SPTBN5: variants seen among roughly 807,000 people sequenced by gnomAD.
The protein encoded by SPTBN5 is spectrin beta chain, non-erythrocytic 5.
In SPTBN5, 513 loss-of-function variants were observed where a neutral mutation model predicts 477.6. The observed-to-expected ratio is 1.07, with a 90% CI of 1.00 to 1.16. SPTBN5 has a LOEUF of 1.16. Among genes scored for constraint, SPTBN5 ranks in the 50% most tolerant of loss-of-function variants. The pLI is 0.00. For synonymous variants in SPTBN5, 2,169 were observed against 2,011.7 expected, an observed-to-expected ratio of 1.08 and a Z score of -2.09; for missense variants, 5,062 against 4,731.8, an observed-to-expected ratio of 1.07 and a Z score of -2.05.
chr15:41,885,967 G>A lies in SPTBN5; in HGVS notation c.1288C>T (p.Arg430Cys), dbSNP rs200519274. 2.5e-4 allele frequency: 385 copies of A among 1,549,314 alleles called. No individual in the cohort carries two copies. Among genetic ancestry groups the A allele is most frequent in the Non-Finnish European group, 2.7e-4 (314 of 1,148,046 alleles). ...CGGAGGGCTGCCTTGTGCTGGAAGCGCCGGGCCAGGGTTTCTAGCCGCTGC... is the reference window on the plus strand; with the variant it reads ...CGGAGGGCTGCCTTGTGCTGGAAGCACCGGGCCAGGGTTTCTAGCCGCTGC... Reference protein sequence around the residue: ...QLQRLETLARRFQHKAALRES... With the variant: ...QLQRLETLARCFQHKAALRES... Residue 430 changes from arginine to cysteine, a missense_variant, in exon 7 of 68, where the codon CGC (arginine) becomes TGC (cysteine). Physicochemically the swap from Arg to Cys is radical, Grantham distance 180. Coordinates refer to ENST00000320955, the MANE Select transcript of SPTBN5 (RefSeq NM_016642.4).
chr15:41,879,432 T>G lies in SPTBN5; in HGVS notation c.3010A>C (p.Ser1004Arg). The change falls in exon 16 of 68, where the codon AGT becomes CGT. Residue 1004 changes from serine (S) to arginine (R), a missense_variant. Coordinates refer to ENST00000320955, the MANE Select transcript of SPTBN5 (RefSeq NM_016642.4). Reference sequence around the variant, plus strand: ...GTGGGTCCACACTCCTGCAGAAAACTGCACACTTCCACACTGTGTGCCAGC... The same window carrying G: ...GTGGGTCCACACTCCTGCAGAAAACGGCACACTTCCACACTGTGTGCCAGC... ...VQLAHSVEVC[S>R]FLQECGPTQV... 2 of 1,609,218 alleles carry G rather than the reference T, an allele frequency of 1.2e-6. No homozygotes were observed. The highest frequency in any genetic ancestry group is 1.7e-6 in the Non-Finnish European group (2 of 1,179,010).
chr15:41,866,646 G>T, intron 36 of SPTBN5, 153 bp from the exon 37 acceptor site: 1 of 984,086 alleles, frequency 1.0e-6, no homozygotes, highest in Non-Finnish European at 1.4e-6. Flanking sequence ...GCTCCGGAAG[G>T]TTGCTGCAGG....
Position 41,885,932 on chromosome 15 carries a change from G to A in SPTBN5, c.1323C>T (p.Phe441=), listed in dbSNP as rs2067132663. 1.9e-6 allele frequency: 3 copies of A among 1,576,250 alleles called. No homozygotes were observed. Among genetic ancestry groups the A allele is most frequent in the Non-Finnish European group, 2.6e-6 (3 of 1,161,002 alleles). Residue 441 remains phenylalanine (F), a synonymous_variant, in exon 7 of 68, where the codon TTC becomes TTT. Transcript: ENST00000320955. ...FQHKAALRES[F]LKDAEQVLDQ... Reference sequence around the variant, plus strand: ...CTAGCACCTGCTCTGCATCCTTAAGGAAACTCTCCCGGAGGGCTGCCTTGT... The same window carrying A: ...CTAGCACCTGCTCTGCATCCTTAAGAAAACTCTCCCGGAGGGCTGCCTTGT...
intron 6 of SPTBN5, 144 bp from the exon 7 acceptor site, chr15:41,886,510 A>G (rs2067157068): frequency 1.0e-6 from 1 of 965,942 alleles, no homozygotes; most frequent in Non-Finnish European, 1.5e-6. Context: ...CCCCCACCCC[A>G]GAGAACTGGG....
Position 41,859,105 on chromosome 15 carries a change from C to A in SPTBN5, c.7989-125G>T, listed in dbSNP as rs148614562. On this transcript the variant is annotated intron_variant, in intron 47 of 67. Transcript: ENST00000320955. ...TGGAGTTTCCTTTGGAATAAAGGTACATTGCACTCCCCCTCTGTATTTGTG... is the reference window on the plus strand; with the variant it reads ...TGGAGTTTCCTTTGGAATAAAGGTAAATTGCACTCCCCCTCTGTATTTGTG... 1,008 of 658,884 alleles carry A rather than the reference C, an allele frequency of 1.5e-3. 21 individuals are homozygous for A. In the Admixed American group the frequency reaches 0.029, roughly 19 times the overall value. 40.8% of individuals were successfully genotyped at this position (658,884 alleles called of 1,614,324 possible).
At position 41,883,475 on chromosome 15, in the gene SPTBN5, A is replaced by G. The variant is rs1293210325; in HGVS notation, c.1532T>C (p.Val511Ala). 6.2e-7 allele frequency: 1 copy of G among 1,613,792 alleles called. No individual in the cohort carries two copies. The highest frequency in any genetic ancestry group is 1.1e-5 in the South Asian group (1 of 91,072). ...AAGGAGCCTCTGCCAGCGCACGGTA[A>G]CTTCCTCCTGCCTAGAGGATATGAG... ...WADVARRQEE[V>A]TVRWQRLLQH... Residue 511 changes from valine to alanine, a missense_variant, in exon 8 of 68, where the codon GTT (valine) becomes GCT (alanine). Val to Ala is a moderately conservative substitution (Grantham distance 64). Coordinates refer to ENST00000320955, the MANE Select transcript of SPTBN5 (RefSeq NM_016642.4).
intron 38 of SPTBN5, 62 bp downstream of exon 38, chr15:41,865,976 C>A: frequency 6.5e-7 from 1 of 1,546,122 alleles, no homozygotes; most frequent in Non-Finnish European, 8.7e-7. Flanking sequence ...TGCTGGGGAT[C>A]CCTCCTGTCA....
chr15:41,870,513 G>A lies in SPTBN5; in HGVS notation c.5495C>T (p.Ala1832Val), dbSNP rs370320830. ...LWELTQARGH[A>V]LRDTETTLRV... is the part of the protein sequence containing the mutation. Reference sequence around the variant, plus strand: ...GAGGGTGGTCTCGGTGTCTCGGAGCGCGTGGCCTCGGGCCTGGGTCAGCTC... The same window carrying A: ...GAGGGTGGTCTCGGTGTCTCGGAGCACGTGGCCTCGGGCCTGGGTCAGCTC... Residue 1832 changes from alanine (A) to valine (V), a missense_variant, in exon 30 of 68, where the codon GCG becomes GTG. Physicochemically the swap from Ala to Val is moderately conservative, Grantham distance 64. Coordinates refer to ENST00000320955, the MANE Select transcript of SPTBN5 (RefSeq NM_016642.4). 80 of 1,612,356 alleles carry A rather than the reference G, an allele frequency of 5.0e-5. No homozygotes were observed. Among genetic ancestry groups the A allele is most frequent in the Middle Eastern group, 3.3e-4 (2 of 6,062 alleles).
intron 21 of SPTBN5, 105 bp from the exon 22 acceptor site, chr15:41,875,727 A>G (rs1022968258): frequency 5.0e-5 from 60 of 1,194,644 alleles, no homozygotes; most frequent in Non-Finnish European, 6.7e-5. Flanking sequence ...GGGTGACCAC[A>G]GCTGCACTCC....
chr15:41,891,642 C>T (rs570289477), intron 3 of SPTBN5, among the ~76,000 whole-genome samples: 2 of 152,182 alleles, frequency 1.3e-5, no homozygotes, highest in South Asian at 2.1e-4. Flanking sequence ...ACCAGCACAC[C>T]GCTGATCTGG....
At chr15:41,869,251 CAG>C (rs1455458036) in intron 32 of SPTBN5, among the ~76,000 whole-genome samples, 5 of 152,212 alleles carry the variant, frequency 3.3e-5, no homozygotes, top group African/African-American at 4.8e-5. Context: ...AGCAAATCAG[CAG>C]AGTTAGGTCC....
At chr15:41,858,016 G>A (rs1308313769) in intron 49 of SPTBN5, among the ~76,000 whole-genome samples, 1 of 152,238 alleles carries the variant, frequency 6.6e-6, no homozygotes, top group African/African-American at 2.4e-5. Context: ...AAAGTGCTAT[G>A]CTGGGCACAG....
At chr15:41,875,878 G>A (rs1047409755) in intron 21 of SPTBN5, among the ~76,000 whole-genome samples, 2 of 152,188 alleles carry the variant, frequency 1.3e-5, no homozygotes, top group Non-Finnish European at 2.9e-5. Flanking sequence ...AGAGGTGGCC[G>A]GCTCTGGGAC....
At chr15:41,893,217 G>A in intron 2 of SPTBN5, 65 bp downstream of exon 2, 2 of 1,605,288 alleles carry the variant, frequency 1.2e-6, no homozygotes, top group Admixed American at 1.7e-5. Context: ...TCACCCCGGA[G>A]GCCCACTGGC....
At chr15:41,887,830 C>A in intron 5 of SPTBN5, 98 bp downstream of exon 5, 1 of 1,277,778 alleles carries the variant, frequency 7.8e-7, no homozygotes, top group Admixed American at 2.3e-5. Flanking sequence ...TTCCCTCCTT[C>A]AAGCCTAGGG....
At position 41,851,761 on chromosome 15, in the gene SPTBN5, G is replaced by C. The variant is rs766556743; in HGVS notation, c.10656+18C>G. The C allele has an allele frequency of 6.3e-6, 10 of 1,584,306 alleles. No homozygotes were observed. Among genetic ancestry groups the C allele is most frequent in the Admixed American group, 1.7e-5 (1 of 59,536 alleles). Reference sequence around the variant, plus strand: ...GCAAGTGGGGAGCTGCCTGGAGAAGGAATCTCCAGGCACTCACCTGCCTCC... The same window carrying C: ...GCAAGTGGGGAGCTGCCTGGAGAAGCAATCTCCAGGCACTCACCTGCCTCC... On this transcript the variant is annotated intron_variant, in intron 63 of 67. Coordinates refer to ENST00000320955, the MANE Select transcript of SPTBN5 (RefSeq NM_016642.4).
At position 41,874,451 on chromosome 15, in the gene SPTBN5, G is replaced by T; in HGVS notation, c.4530C>A (p.Ala1510=). The T allele has an allele frequency of 6.2e-7, 1 of 1,611,388 alleles. No individual in the cohort carries two copies. ...RRLELLQGHL[A]IRGLQLQASV... is the part of the protein sequence containing the mutation. ...AGGCCTGCAGCTGCAGGCCCCGGAT[G>T]GCCAGATGCCCCTGCAGAAGCTCCA... The change falls in exon 24 of 68, where the codon GCC becomes GCA. Residue 1510 remains alanine (A), a synonymous_variant. Coordinates refer to ENST00000320955, the MANE Select transcript of SPTBN5 (RefSeq NM_016642.4).
intron 67 of SPTBN5, 28 bp downstream of exon 67, chr15:41,849,841 C>G: frequency 6.5e-7 from 1 of 1,544,976 alleles, no homozygotes; most frequent in Non-Finnish European, 8.8e-7. Context: ...GGGCTCCCCG[C>G]CCTGCTTCCC....
rs748700908 is a variant in SPTBN5, at chr15:41,882,107, G to T, written c.2286C>A (p.Arg762=). The T allele has an allele frequency of 1.3e-6, 2 of 1,573,616 alleles. No individual in the cohort carries two copies. The highest frequency in any genetic ancestry group is 4.7e-5 in the East Asian group (2 of 42,554). Residue 762 remains arginine (R), a synonymous_variant, in exon 12 of 68, where the codon CGC becomes CGA. Coordinates refer to ENST00000320955, the MANE Select transcript of SPTBN5 (RefSeq NM_016642.4). Reference sequence around the variant, plus strand: ...CTCTCTCCAGCGAGGATCGCCGCTCGCGCAGCCACGAAGCCGCCTCCGCCG... The same window carrying T: ...CTCTCTCCAGCGAGGATCGCCGCTCTCGCAGCCACGAAGCCGCCTCCGCCG... ...ADAAEAASWL[R]ERRSSLERAS...
Sources: allele counts gnomAD v4.1 joint callset (sites outside exome capture counted in the v4.1 genomes callset), GRCh38; gene constraint gnomAD v4.1.1; transcripts MANE v1.5; gene names NCBI Gene and HGNC (gene_info 2026-07-23, HGNC 2026-07-21).